The following MYO16 variants were observed in gnomAD, a reference collection of about 807,000 sequenced individuals.
The protein encoded by MYO16 is unconventional myosin-XVI.
MYO16 carries 94 observed loss-of-function variants against 205.3 expected under a neutral mutation model. That is an observed-to-expected ratio of 0.46 (90% CI 0.39 to 0.54). MYO16 has a LOEUF of 0.54. Among genes scored for constraint, MYO16 ranks in the 20% least tolerant of loss-of-function variants. The pLI is 0.00. For synonymous variants in MYO16, 988 were observed against 954.0 expected (o/e 1.04, Z -0.66); for missense variants, 2,315 against 2,387.5 (o/e 0.97, Z 0.63).
chr13:108,703,972 T>A (rs1275112215), intron 2 of MYO16, among the ~76,000 whole-genome samples: 1 of 152,152 alleles, frequency 6.6e-6, no homozygotes, highest in Non-Finnish European at 1.5e-5. Context: ...AGAACAAGTT[T>A]GGACACGCAC....
chr13:109,195,056 AG>A (rs1268876386), intron 34 of MYO16, among the ~76,000 whole-genome samples: 2 of 151,870 alleles, frequency 1.3e-5, no homozygotes, highest in Non-Finnish European at 2.9e-5. Flanking sequence ...CAAAAAAAAA[AG>A]GTACTTAAAT....
At chr13:109,029,111 T>C (rs1225820476) in intron 23 of MYO16, among the ~76,000 whole-genome samples, 1 of 93,484 alleles carries the variant, frequency 1.1e-5, no homozygotes, top group Non-Finnish European at 2.2e-5. Context: ...TTTTTTCTTT[T>C]CTTTTTTTTT....
chr13:108,615,817 A>G (rs1879331594), intron 1 of MYO16, among the ~76,000 whole-genome samples: 1 of 152,158 alleles, frequency 6.6e-6, no homozygotes, highest in African/African-American at 2.4e-5. Context: ...TTTGTTTCCA[A>G]ACTAGCTCAT....
the MYO16 span, among the ~76,000 whole-genome samples, chr13:108,541,062 T>C: frequency 6.6e-6 from 1 of 152,104 alleles, no homozygotes; most frequent in South Asian, 2.1e-4. Flanking sequence ...CCTGAGACTT[T>C]CCTTGCAGGA....
chr13:108,596,599 A>G (rs1196124260), intron 1 of MYO16, among the ~76,000 whole-genome samples: 1 of 152,220 alleles, frequency 6.6e-6, no homozygotes, highest in African/African-American at 2.4e-5. Flanking sequence ...AGTCTTGTGT[A>G]CAATTTAAGA....
At chr13:108,881,081 G>A (rs890468864) in intron 12 of MYO16, among the ~76,000 whole-genome samples, 1 of 152,150 alleles carries the variant, frequency 6.6e-6, no homozygotes, top group Non-Finnish European at 1.5e-5. Context: ...GTGTCCCTCT[G>A]AGACGAAGCT....
chr13:108,523,689 T>C, the MYO16 span, among the ~76,000 whole-genome samples: 2 of 152,310 alleles, frequency 1.3e-5, no homozygotes, highest in East Asian at 3.9e-4. Context: ...GGTCATCTGG[T>C]TTAACCCTGC....
intron 20 of MYO16, among the ~76,000 whole-genome samples, chr13:108,984,786 A>G (rs1341960314): frequency 6.6e-6 from 1 of 151,974 alleles, no homozygotes; most frequent in Non-Finnish European, 1.5e-5. Flanking sequence ...CTTCAAATAC[A>G]CCTCACGGCT....
intron 34 of MYO16, among the ~76,000 whole-genome samples, chr13:109,201,811 C>T (rs946629775): frequency 2.6e-5 from 4 of 152,108 alleles, no homozygotes; most frequent in Non-Finnish European, 4.4e-5. Flanking sequence ...TTTGCATCCT[C>T]ATAGCTTAGC....
intron 30 of MYO16, among the ~76,000 whole-genome samples, chr13:109,126,412 C>G (rs568204121): frequency 6.6e-6 from 1 of 152,200 alleles, no homozygotes; most frequent in Non-Finnish European, 1.5e-5. Flanking sequence ...TAAAAACAAA[C>G]GCTTGGAAAC....
chr13:108,761,548 T>G (rs1431349), intron 4 of MYO16, among the ~76,000 whole-genome samples: 2 of 151,840 alleles, frequency 1.3e-5, no homozygotes, highest in East Asian at 3.9e-4. Flanking sequence ...AGACTTTCAA[T>G]CTGAGATTGG....
intron 14 of MYO16, among the ~76,000 whole-genome samples, chr13:108,895,400 G>C (rs1028273220): frequency 6.6e-6 from 1 of 152,118 alleles, no homozygotes; most frequent in Non-Finnish European, 1.5e-5. Flanking sequence ...CATTTATTTA[G>C]TGCCACCTAT....
intron 23 of MYO16, 99 bp downstream of exon 23, chr13:109,020,010 G>A (rs1371684352): frequency 2.4e-6 from 3 of 1,231,218 alleles, no homozygotes; most frequent in Admixed American, 5.3e-5. Context: ...GTGTTATTTG[G>A]ATAAATGGAA....
intron 4 of MYO16, among the ~76,000 whole-genome samples, chr13:108,763,550 T>C (rs1305533317): frequency 6.6e-6 from 1 of 152,132 alleles, no homozygotes; most frequent in Non-Finnish European, 1.5e-5. Flanking sequence ...CCAATAGTAA[T>C]ATTGATATTT....
rs557353017 is a variant in MYO16, at chr13:109,110,133, A to C, written c.3438+9246A>C. Among the ~76,000 whole-genome samples, 5 of 152,380 alleles carry C rather than the reference A, an allele frequency of 3.3e-5. 1 individual carries two copies. The South Asian group carries it at 1.0e-3, about 32-fold the overall frequency. On this transcript the variant is annotated intron_variant, in intron 28 of 34. Coordinates refer to ENST00000457511, the MANE Select transcript of MYO16 (RefSeq NM_001198950.3). Reference sequence around the variant, plus strand: ...GGGCAAACCATTATTGACATGATGTAGGCCATTTTGTTAAAAAGAAAGATC... The same window carrying C: ...GGGCAAACCATTATTGACATGATGTCGGCCATTTTGTTAAAAAGAAAGATC...
rs543427806 is a variant in MYO16 at position 108,606,073 on chromosome 13, G to A, written c.-39+9834G>A. Among the ~76,000 whole-genome samples, 20 of 152,312 alleles carry A rather than the reference G, an allele frequency of 1.3e-4. 1 individual carries two copies. Among genetic ancestry groups the A allele is most frequent in the Admixed American group, 1.0e-3 (16 of 15,304 alleles). On this transcript the variant is annotated intron_variant, in intron 1 of 24. Coordinates refer to the MYO16 transcript ENST00000251041. The stretch of plus-strand genomic sequence containing the variant: ...CTGATGGCATTTTTCCCCTGCCCTA[G>A]AGATCTGTGGAACTTGAACTTGAGA...
chr13:108,664,129 T>G (rs1329244694), intron 1 of MYO16, among the ~76,000 whole-genome samples: 1 of 152,228 alleles, frequency 6.6e-6, no homozygotes, highest in Admixed American at 6.5e-5. Context: ...ATTTTATGTA[T>G]AGTTAGTTGA....
chr13:108,707,223 T>C (rs1208369200), intron 2 of MYO16, among the ~76,000 whole-genome samples: 11 of 152,290 alleles, frequency 7.2e-5, no homozygotes, highest in African/African-American at 2.2e-4. Flanking sequence ...AGCTAAACAG[T>C]CCTTGGATGC....
In MYO16 at chr13:109,206,839, T is replaced by G; in HGVS notation, c.*3T>G. ...AGCTCTGGGACACCACCATTTGATGTGGCCTGAACTGCAGACTTACAAAAT... is the reference window on the plus strand; with the variant it reads ...AGCTCTGGGACACCACCATTTGATGGGGCCTGAACTGCAGACTTACAAAAT... On this transcript the variant is annotated 3_prime_UTR_variant, in exon 35 of 35. Transcript: ENST00000457511. 6.2e-7 allele frequency: 1 copy of G among 1,612,470 alleles called. No homozygotes were observed. The highest frequency in any genetic ancestry group is 8.5e-7 in the Non-Finnish European group (1 of 1,178,868).
Sources: allele counts gnomAD v4.1 joint callset (sites outside exome capture counted in the v4.1 genomes callset), GRCh38; gene constraint gnomAD v4.1.1; transcripts MANE v1.5; gene names NCBI Gene and HGNC (gene_info 2026-07-23, HGNC 2026-07-21).